FBXL16: variants seen among roughly 807,000 people sequenced by gnomAD.
The protein encoded by FBXL16 is F-box/LRR-repeat protein 16.
A neutral mutation model predicts 36.7 loss-of-function variants in FBXL16; 7 were observed. That is an observed-to-expected ratio of 0.19 (90% CI 0.11 to 0.36). The LOEUF is 0.36. Ranked by LOEUF, FBXL16 falls within the 10% of genes least tolerant of loss-of-function variation. The pLI is 1.00. For synonymous variants in FBXL16, 355 were observed against 308.7 expected (o/e 1.15, Z -1.57); for missense variants, 463 against 659.4 (o/e 0.70, Z 3.26).
intron 3 of FBXL16, 109 bp downstream of exon 3, chr16:695,306 C>T: frequency 8.9e-7 from 1 of 1,118,548 alleles, no homozygotes; most frequent in Non-Finnish European, 1.1e-6. Context: ...CGCCACAGCC[C>T]CAGCCCCGCC....
chr16:693,366 C>G lies in FBXL16; in HGVS notation c.*909G>C, dbSNP rs1444312633. ...TGCCCAGGCCTGAACTGAGCCCGGC[C>G]GGGTGCAAGGGCTGAGGTGTGAGGT... On this transcript the variant is annotated 3_prime_UTR_variant, in exon 6 of 6. Coordinates refer to ENST00000397621, the MANE Select transcript of FBXL16 (RefSeq NM_153350.4). 1 of 152,394 alleles carries G rather than the reference C, an allele frequency of 6.6e-6. No homozygotes were observed. Among genetic ancestry groups the G allele is most frequent in the African/African-American group, 2.4e-5 (1 of 41,450 alleles). The allele number at this position is 152,394 out of a possible 1,614,324, so 9.4% of individuals were successfully genotyped here.
At position 693,843 on chromosome 16, in the gene FBXL16, G is replaced by A. The variant is rs1161025161; in HGVS notation, c.*432C>T. The stretch of plus-strand genomic sequence containing the variant: ...CCCACTGGGCCCTGCCCGGGATGGG[G>A]GGGACAGTGGGAAGACAGAGCGGGT... On this transcript the variant is annotated 3_prime_UTR_variant, in exon 6 of 6. Coordinates refer to ENST00000397621, the MANE Select transcript of FBXL16 (RefSeq NM_153350.4). 3 of 153,264 alleles carry A rather than the reference G, an allele frequency of 2.0e-5. No homozygotes were observed. The highest frequency in any genetic ancestry group is 4.8e-5 in the African/African-American group (2 of 41,582). The allele number at this position is 153,264 out of a possible 1,614,324, so 9.5% of individuals were successfully genotyped here.
chr16:694,495 CCCT>C, intron 5 of FBXL16, 72 bp from the exon 6 acceptor site: 2 of 1,492,694 alleles, frequency 1.3e-6, no homozygotes, highest in East Asian at 2.5e-5. Context: ...GGCCGCGCCT[CCCT>C]CCTCCTCCGC....
intron 1 of FBXL16, among the ~76,000 whole-genome samples, chr16:698,931 AAG>A (rs1555479479): frequency 1.1e-4 from 9 of 84,418 alleles, no homozygotes; most frequent in African/African-American, 3.6e-4. Context: ...AAAAAAAAAA[AAG>A]AAAGAAAGAA....
intron 4 of FBXL16, 52 bp from the exon 5 acceptor site, chr16:694,749 G>A (rs764392612): frequency 7.1e-5 from 108 of 1,529,370 alleles, no homozygotes; most frequent in Non-Finnish European, 8.8e-5. Flanking sequence ...CCGAGGCGGA[G>A]GGCACCCTGG....
At chr16:696,613 G>C (rs140419009) in intron 2 of FBXL16, among the ~76,000 whole-genome samples, 160 bp downstream of exon 2, 1 of 105,448 alleles carries the variant, frequency 9.5e-6, no homozygotes, top group Non-Finnish European at 2.0e-5. Flanking sequence ...AATCTTGAGT[G>C]TCTTTGAACA....
chr16:698,537 C>G (rs898207009), intron 1 of FBXL16, among the ~76,000 whole-genome samples: 3 of 152,222 alleles, frequency 2.0e-5, no homozygotes, highest in Non-Finnish European at 4.4e-5. Context: ...CCCTCCCCTG[C>G]AGGGTGACTG....
Position 695,747 on chromosome 16 carries a change from C to T in FBXL16, c.810G>A (p.Leu270=). The T allele has an allele frequency of 1.2e-6, 2 of 1,603,820 alleles. No individual in the cohort carries two copies. The highest frequency in any genetic ancestry group is 2.2e-5 in the East Asian group (1 of 44,778). Residue 270 remains leucine (L), a synonymous_variant, in exon 3 of 6, where the codon CTG becomes CTA. Coordinates refer to ENST00000397621, the MANE Select transcript of FBXL16 (RefSeq NM_153350.4). The part of the protein sequence containing the change: ...IAAISQLLPN[L]AELSLQAYHV... ...GGTAGGCCTGCAGGCTCAGCTCCGC[C>T]AGGTTGGGCAGCAGCTGCGAGATGG...
In FBXL16 at chr16:694,692, T is replaced by C; in HGVS notation, c.1233A>G (p.Gln411=). The stretch of plus-strand genomic sequence containing the variant: ...CCAGGAGGTGCTTCAGCCCGAAGTC[T>C]TGCACCTGTCGGGAGTGGAGGAGCG... ...SLYLRWCCQV[Q]DFGLKHLLAL... The change falls in exon 5 of 6, where the codon CAA becomes CAG. Residue 411 remains glutamine (Q), a synonymous_variant. Coordinates refer to ENST00000397621, the MANE Select transcript of FBXL16 (RefSeq NM_153350.4). 1.2e-6 allele frequency: 2 copies of C among 1,606,090 alleles called. No individual in the cohort carries two copies. Among genetic ancestry groups the C allele is most frequent in the Non-Finnish European group, 8.5e-7 (1 of 1,176,666 alleles).
chr16:700,128 G>C (rs1166131737), intron 1 of FBXL16, among the ~76,000 whole-genome samples: 3 of 152,214 alleles, frequency 2.0e-5, no homozygotes, highest in African/African-American at 7.2e-5. Context: ...GCCCCAGACA[G>C]GGCCAGCCTT....
chr16:704,306 G>A (rs1475931852), intron 1 of FBXL16, among the ~76,000 whole-genome samples: 1 of 152,216 alleles, frequency 6.6e-6, no homozygotes, highest in Non-Finnish European at 1.5e-5. Flanking sequence ...CCCGGAAGTG[G>A]GTGTGAGCTG....
intron 1 of FBXL16, among the ~76,000 whole-genome samples, chr16:702,343 G>A (rs558108691): frequency 6.6e-6 from 1 of 152,218 alleles, no homozygotes; most frequent in Non-Finnish European, 1.5e-5. Flanking sequence ...TTCCTGGTGC[G>A]AGGTCGCCCC....
intron 4 of FBXL16, 62 bp from the exon 5 acceptor site, chr16:694,759 G>A (rs2039997902): frequency 5.3e-6 from 8 of 1,523,134 alleles, no homozygotes; most frequent in Admixed American, 3.9e-5. Context: ...GGGCACCCTG[G>A]GGTCCATGGA....
chr16:703,160 G>A (rs936282393), intron 1 of FBXL16, among the ~76,000 whole-genome samples: 3 of 152,334 alleles, frequency 2.0e-5, no homozygotes, highest in South Asian at 4.1e-4. Flanking sequence ...ATGGGGTCTC[G>A]ATGCCTTCCT....
At chr16:703,047 AGAGCTAG>A (rs1228462850) in intron 1 of FBXL16, among the ~76,000 whole-genome samples, 1 of 152,170 alleles carries the variant, frequency 6.6e-6, no homozygotes, top group East Asian at 1.9e-4. Flanking sequence ...GAAGTTACAT[AGAGCTAG>A]GATTGGCTCC....
intron 1 of FBXL16, among the ~76,000 whole-genome samples, chr16:701,134 C>T (rs969983433): frequency 5.3e-5 from 8 of 152,244 alleles, no homozygotes; most frequent in African/African-American, 1.7e-4. Flanking sequence ...GCCCACAGTC[C>T]CGTCCCCACC....
chr16:693,529 C>T lies in FBXL16; in HGVS notation c.*746G>A, dbSNP rs1318940808. On this transcript the variant is annotated 3_prime_UTR_variant, in exon 6 of 6. Transcript: ENST00000397621. The stretch of plus-strand genomic sequence containing the variant: ...TCCAAGCGATCGCCAGCCCTTCCGC[C>T]CTCTCCCTGCCCAATTCTCTCAGCC... 4.6e-5 allele frequency: 7 copies of T among 152,752 alleles called. No individual in the cohort carries two copies. The highest frequency in any genetic ancestry group is 1.7e-4 in the African/African-American group (7 of 41,466). The allele number at this position is 152,752 out of a possible 1,614,324, so 9.5% of individuals were successfully genotyped here. A position where few individuals can be genotyped will look rare whatever the true frequency, so the allele number is the denominator to read the frequency against.
chr16:702,075 C>A (rs2040061326), intron 1 of FBXL16, among the ~76,000 whole-genome samples: 4 of 152,150 alleles, frequency 2.6e-5, no homozygotes, highest in African/African-American at 9.7e-5. Context: ...CCTGGGGGTC[C>A]CCACATGTAC....
chr16:702,055 C>T (rs1298605016), intron 1 of FBXL16, among the ~76,000 whole-genome samples: 1 of 152,158 alleles, frequency 6.6e-6, no homozygotes, highest in East Asian at 1.9e-4. Context: ...CACGGTGGGG[C>T]CTGGGTGCTC....
Sources: gnomAD v4.1 joint callset for allele counts (sites outside exome capture counted in the v4.1 genomes callset) on GRCh38, gnomAD v4.1.1 for gene constraint, MANE v1.5 for transcripts, NCBI Gene and HGNC (gene_info 2026-07-23, HGNC 2026-07-21) for gene names.